The following NR3C1 variants were observed in gnomAD, a reference collection of about 807,000 sequenced individuals.
NR3C1 encodes the protein glucocorticoid receptor.
A neutral mutation model predicts 74.0 loss-of-function variants in NR3C1; 14 were observed. The observed-to-expected ratio is 0.19, with a 90% confidence interval of 0.12 to 0.30. NR3C1 has a LOEUF of 0.30. Ranked by LOEUF, NR3C1 falls within the 10% of genes least tolerant of loss-of-function variation. NR3C1 has a pLI of 1.00. For synonymous variants in NR3C1, 308 were observed against 332.5 expected (o/e 0.93, Z 0.80); for missense variants, 695 against 909.8 (o/e 0.76, Z 3.04).
intron 3 of NR3C1, among the ~76,000 whole-genome samples, chr5:143,313,158 C>CTTTAGAAAT: frequency 6.6e-6 from 1 of 152,244 alleles, no homozygotes; most frequent in East Asian, 1.9e-4. Context: ...TTTCAAACTG[C>CTTTAGAAAT]TTTAGAAATA....
chr5:143,431,481 TA>T (rs1019368712), intron 1 of NR3C1, among the ~76,000 whole-genome samples: 1 of 151,438 alleles, frequency 6.6e-6, no homozygotes, highest in African/African-American at 2.4e-5. Flanking sequence ...GAACATCACA[TA>T]CCCGGGCCTG....
chr5:143,434,285 C>G (rs1204236607), intron 1 of NR3C1, among the ~76,000 whole-genome samples: 1 of 152,164 alleles, frequency 6.6e-6, no homozygotes, highest in African/African-American at 2.4e-5. Flanking sequence ...ATCTTCATTG[C>G]CTACAATAGC....
At chr5:143,404,496 C>T (rs1436650534), upstream of NR3C1, 1 of 982,160 alleles carries the variant, frequency 1.0e-6, no homozygotes, top group African/African-American at 1.8e-5. Flanking sequence ...AAGCAGAACC[C>T]ACCCTCCCCC....
At chr5:143,361,169 T>C (rs972308529) in intron 2 of NR3C1, among the ~76,000 whole-genome samples, 29 of 152,196 alleles carry the variant, frequency 1.9e-4, no homozygotes, top group African/African-American at 7.0e-4. Context: ...GCTAGCTTAT[T>C]CAGTATAAGT....
intron 2 of NR3C1, among the ~76,000 whole-genome samples, chr5:143,328,511 C>T (rs1825164760): frequency 6.6e-6 from 1 of 152,202 alleles, no homozygotes; most frequent in Admixed American, 6.5e-5. Flanking sequence ...TTGAATTCCT[C>T]CCCAGAAAAT....
intron 2 of NR3C1, among the ~76,000 whole-genome samples, chr5:143,318,696 A>T (rs1822696340): frequency 6.6e-6 from 1 of 152,062 alleles, no homozygotes; most frequent in African/African-American, 2.4e-5. Context: ...AAGGCTGAAA[A>T]CCAGAGTTTA....
intron 1 of NR3C1, among the ~76,000 whole-genome samples, chr5:143,424,016 A>G (rs533650798): frequency 1.3e-4 from 16 of 126,334 alleles, no homozygotes; most frequent in Admixed American, 8.7e-4. Flanking sequence ...GAACAATGAG[A>G]ACACATGGAC....
chr5:143,335,656 T>C (rs1826988153), intron 2 of NR3C1, among the ~76,000 whole-genome samples: 1 of 152,252 alleles, frequency 6.6e-6, no homozygotes. Flanking sequence ...TTGCTTTTTA[T>C]GTGTGGTACT....
At chr5:143,388,703 A>T (rs1429539474) in intron 2 of NR3C1, among the ~76,000 whole-genome samples, 1 of 152,216 alleles carries the variant, frequency 6.6e-6, no homozygotes, top group Non-Finnish European at 1.5e-5. Context: ...AGAACATTTC[A>T]GGTAAATTTT....
intron 2 of NR3C1, among the ~76,000 whole-genome samples, chr5:143,393,946 T>G (rs1214394468): frequency 6.6e-6 from 1 of 152,088 alleles, no homozygotes; most frequent in African/African-American, 2.4e-5. Flanking sequence ...CTTATTGAAC[T>G]CTCAAATTAT....
intron 2 of NR3C1, among the ~76,000 whole-genome samples, chr5:143,358,961 C>T (rs1258769687): frequency 6.6e-6 from 1 of 151,980 alleles, no homozygotes; most frequent in Admixed American, 6.6e-5. Flanking sequence ...ATAAAAGTTG[C>T]TATTTTACTG....
Position 143,427,412 on chromosome 5 carries a change from T to C in NR3C1, c.-14+7120A>G, listed in dbSNP as rs954149671. ...GGTTAATTATGAAATTCATATAAAATGGATGAAAAGTCACCTTAATGGATA... is the reference window on the plus strand; with the variant it reads ...GGTTAATTATGAAATTCATATAAAACGGATGAAAAGTCACCTTAATGGATA... On this transcript the variant is annotated intron_variant, in intron 1 of 8. Coordinates refer to the NR3C1 transcript ENST00000343796. 3.9e-4 allele frequency among the ~76,000 whole-genome samples: 60 copies of C among 152,008 alleles called. 1 individual carries two copies. Among genetic ancestry groups the C allele is most frequent in the Non-Finnish European group, 1.5e-5 (1 of 68,004 alleles).
At chr5:143,314,414 T>G (rs1027097823) in intron 2 of NR3C1, among the ~76,000 whole-genome samples, 2 of 149,134 alleles carry the variant, frequency 1.3e-5, no homozygotes, top group Non-Finnish European at 3.0e-5. Context: ...CTGGTTCACT[T>G]CTTCTTCTTT....
Position 143,399,950 on chromosome 5 carries a change from A to G in NR3C1, c.890T>C (p.Leu297Pro). 1 of 1,614,198 alleles carries G rather than the reference A, an allele frequency of 6.2e-7. No homozygotes were observed. The highest frequency in any genetic ancestry group is 8.5e-7 in the Non-Finnish European group (1 of 1,180,032). Reference sequence around the variant, plus strand: ...GCTTGCCTGACAGTAAACTGTGCCCAGTTTCTCTTGCTTAATTACCCCAGG... The same window carrying G: ...GCTTGCCTGACAGTAAACTGTGCCCGGTTTCTCTTGCTTAATTACCCCAGG... ...CTPGVIKQEK[L>P]GTVYCQASFP... Residue 297 changes from leucine to proline, a missense_variant, in exon 2 of 9, where the codon CTG (leucine) becomes CCG (proline). Leu to Pro is a moderately conservative substitution (Grantham distance 98, BLOSUM62 -3). Around this residue, in one of 4 missense-constraint regions of NR3C1, gnomAD observed 497 missense variants for 489.5 expected, o/e 1.02. Coordinates refer to ENST00000394464, the MANE Select transcript of NR3C1 (RefSeq NM_000176.3).
At chr5:143,297,517 C>T (rs1375267132) in intron 6 of NR3C1, among the ~76,000 whole-genome samples, 1 of 152,078 alleles carries the variant, frequency 6.6e-6, no homozygotes, top group Non-Finnish European at 1.5e-5. Context: ...AATATATTTA[C>T]CAGTTAATTT....
At chr5:143,378,306 A>C (rs1461701691) in intron 2 of NR3C1, among the ~76,000 whole-genome samples, 1 of 152,160 alleles carries the variant, frequency 6.6e-6, no homozygotes, top group Admixed American at 6.5e-5. Flanking sequence ...AACAGCGAAG[A>C]CTGCAATCCA....
intron 1 of NR3C1, chr5:143,409,247 A>C (rs1372070632): frequency 6.6e-6 from 1 of 152,206 alleles, no homozygotes; most frequent in Non-Finnish European, 1.5e-5. Context: ...ATTCTGTTAA[A>C]GAAAGGACAT....
upstream of NR3C1, chr5:143,407,385 C>T (rs115764718): frequency 1.9e-4 from 29 of 152,316 alleles, no homozygotes; most frequent in African/African-American, 7.0e-4. Context: ...GTGCTCCCCC[C>T]ACTTTTTTTT....
chr5:143,389,892 T>G, intron 2 of NR3C1: 1 of 954,020 alleles, frequency 1.0e-6, no homozygotes, highest in Non-Finnish European at 1.2e-6. Context: ...CATGCTAGGA[T>G]GGCTCTTCCT....
Sources: allele counts gnomAD v4.1 joint callset (sites outside exome capture counted in the v4.1 genomes callset), GRCh38; gene constraint gnomAD v4.1.1; regional missense constraint gnomAD v4.1.1; transcripts MANE v1.5; gene names NCBI Gene and HGNC (gene_info 2026-07-23, HGNC 2026-07-21).